Variants in CSMD1 observed in about 807,000 individuals in gnomAD.
The protein encoded by CSMD1 is CUB and Sushi multiple domains 1.
In CSMD1, 213 loss-of-function variants were observed where a neutral mutation model predicts 417.5. The observed-to-expected ratio is 0.51, with a 90% CI of 0.46 to 0.57. The LOEUF (loss-of-function observed/expected upper bound fraction) is 0.57. CSMD1 is among the 20% of genes least tolerant of loss of function. The pLI is 0.00. For synonymous variants in CSMD1, 2,862 were observed against 1,736.8 expected, an observed-to-expected ratio of 1.65 and a Z score of -16.11; for missense variants, 6,923 against 4,529.7, an observed-to-expected ratio of 1.53 and a Z score of -15.17.
intron 1 of CSMD1, among the ~76,000 whole-genome samples, chr8:4,769,839 T>C (rs1796515839): frequency 1.3e-5 from 2 of 152,174 alleles, no homozygotes; most frequent in Non-Finnish European, 2.9e-5. Flanking sequence ...TTGTTGTTAT[T>C]ATGTTCTCTT....
chr8:4,715,047 C>G (rs906956561), intron 1 of CSMD1, among the ~76,000 whole-genome samples: 3 of 152,016 alleles, frequency 2.0e-5, no homozygotes, highest in African/African-American at 7.2e-5. Context: ...TTATGTTATT[C>G]AGGGTCTGTT....
chr8:3,431,507 T>G (rs1316191576), intron 12 of CSMD1, among the ~76,000 whole-genome samples: 1 of 152,028 alleles, frequency 6.6e-6, no homozygotes, highest in Non-Finnish European at 1.5e-5. Context: ...ACCCATCCCA[T>G]CCCCATGCCT....
At chr8:4,364,617 G>T in intron 3 of CSMD1, among the ~76,000 whole-genome samples, 1 of 73,422 alleles carries the variant, frequency 1.4e-5, no homozygotes, top group East Asian at 3.8e-4. Context: ...GAGGTCAGGA[G>T]ATCGAGACCA....
rs779675812 is a variant in CSMD1 at position 3,586,233 on chromosome 8, A to C, written c.1125T>G (p.Cys375Trp). The C allele has an allele frequency of 1.5e-5, 24 of 1,612,110 alleles. No individual in the cohort carries two copies. The highest frequency in any genetic ancestry group is 4.2e-6 in the Non-Finnish European group (5 of 1,179,248). ...FRVGANVQFS[C>W]EDNYVLQGSK... is the part of the protein sequence containing the mutation. ...ATCCCTGGAGCACGTAATTGTCCTCACATGAAAACTGTACATTTGCACCAA... is the reference window on the plus strand; with the variant it reads ...ATCCCTGGAGCACGTAATTGTCCTCCCATGAAAACTGTACATTTGCACCAA... Residue 375 changes from cysteine (C) to tryptophan (W), a missense_variant, in exon 9 of 70, where the codon TGT (cysteine) becomes TGG (tryptophan). Coordinates refer to ENST00000635120, the MANE Select transcript of CSMD1 (RefSeq NM_033225.6).
intron 8 of CSMD1, among the ~76,000 whole-genome samples, chr8:3,604,376 C>T (rs1032121376): frequency 1.3e-5 from 2 of 151,976 alleles, no homozygotes. Flanking sequence ...GGGTGATGCT[C>T]CGAATCTTAA....
chr8:3,326,629 C>G (rs775945304), intron 23 of CSMD1, among the ~76,000 whole-genome samples: 3 of 152,190 alleles, frequency 2.0e-5, no homozygotes, highest in Non-Finnish European at 4.4e-5. Flanking sequence ...TTTGCATTCC[C>G]AGAGATGGGG....
intron 10 of CSMD1, among the ~76,000 whole-genome samples, chr8:3,505,420 G>T (rs557768146): frequency 2.0e-5 from 3 of 152,146 alleles, no homozygotes; most frequent in African/African-American, 7.2e-5. Context: ...TATGGGCGCA[G>T]AATCAATAAT....
intron 1 of CSMD1, among the ~76,000 whole-genome samples, chr8:4,682,075 G>A (rs1006434093): frequency 1.3e-5 from 2 of 152,158 alleles, no homozygotes; most frequent in Non-Finnish European, 2.9e-5. Context: ...CTGAAGTGCT[G>A]TGGGGTGATC....
At chr8:3,054,702 T>C (rs1057361065) in intron 49 of CSMD1, among the ~76,000 whole-genome samples, 4 of 152,208 alleles carry the variant, frequency 2.6e-5, no homozygotes, top group Non-Finnish European at 5.9e-5. Flanking sequence ...CGCACGTGTG[T>C]ACGTGTGTGT....
At chr8:4,036,823 T>C (rs1797641946) in intron 3 of CSMD1, among the ~76,000 whole-genome samples, 1 of 152,250 alleles carries the variant, frequency 6.6e-6, no homozygotes, top group African/African-American at 2.4e-5. Context: ...AATAGATTCC[T>C]GACCAGGGCC....
intron 10 of CSMD1, among the ~76,000 whole-genome samples, chr8:3,500,879 A>G (rs1005025449): frequency 6.6e-6 from 1 of 152,190 alleles, no homozygotes; most frequent in Non-Finnish European, 1.5e-5. Flanking sequence ...CTTAACTAAC[A>G]TGGATGAAGA....
chr8:3,732,037 T>G (rs1038689370), intron 6 of CSMD1, among the ~76,000 whole-genome samples: 1 of 124,498 alleles, frequency 8.0e-6, no homozygotes, highest in African/African-American at 2.6e-5. Flanking sequence ...CTCCACATTT[T>G]TTAGACAAAA....
intron 10 of CSMD1, among the ~76,000 whole-genome samples, chr8:3,572,248 G>A (rs749439014): frequency 6.6e-6 from 1 of 152,184 alleles, no homozygotes; most frequent in Non-Finnish European, 1.5e-5. Context: ...AAAAGGAGGA[G>A]AAGACTCCTG....
chr8:4,171,854 G>C (rs534033921), intron 3 of CSMD1, among the ~76,000 whole-genome samples: 7 of 152,174 alleles, frequency 4.6e-5, no homozygotes, highest in African/African-American at 1.7e-4. Flanking sequence ...CATTATGTGT[G>C]ATTCTCTCAT....
At chr8:4,788,251 C>T in intron 1 of CSMD1, 2 of 1,587,382 alleles carry the variant, frequency 1.3e-6, no homozygotes, top group Non-Finnish European at 1.7e-6. Flanking sequence ...AGGGTTAAAG[C>T]TGAGTATGAA....
intron 47 of CSMD1, among the ~76,000 whole-genome samples, chr8:3,093,426 G>A (rs1815086955): frequency 6.6e-6 from 1 of 152,190 alleles, no homozygotes; most frequent in Admixed American, 6.5e-5. Context: ...CAGCGCTTTG[G>A]GAGGTAGAGG....
chr8:3,296,260 C>A (rs1398238714), intron 25 of CSMD1, among the ~76,000 whole-genome samples: 4 of 151,502 alleles, frequency 2.6e-5, no homozygotes, highest in Middle Eastern at 6.8e-3. Context: ...TTGTCGCATC[C>A]TGTGAGACGT....
intron 16 of CSMD1, among the ~76,000 whole-genome samples, chr8:3,399,118 AC>A (rs1342784834): frequency 6.6e-6 from 1 of 152,142 alleles, no homozygotes; most frequent in African/African-American, 2.4e-5. Flanking sequence ...CAGGTCCCAA[AC>A]CCAGAGTCAG....
chr8:4,018,754 G>T (rs775256212), intron 4 of CSMD1, among the ~76,000 whole-genome samples: 1 of 152,178 alleles, frequency 6.6e-6, no homozygotes, highest in Admixed American at 6.5e-5. Flanking sequence ...CATGTGACAA[G>T]GGCCGTGGCA....
Sources: gnomAD v4.1 joint callset for allele counts (sites outside exome capture counted in the v4.1 genomes callset) on GRCh38, gnomAD v4.1.1 for gene constraint, MANE v1.5 for transcripts, NCBI Gene and HGNC (gene_info 2026-07-23, HGNC 2026-07-21) for gene names.